MROH6: variants seen among roughly 807,000 people sequenced by gnomAD.
MROH6 encodes maestro heat-like repeat-containing protein family member 6.
A neutral mutation model predicts 67.7 loss-of-function variants in MROH6; 62 were observed. The observed-to-expected ratio is 0.92, with a 90% confidence interval of 0.75 to 1.13. The LOEUF (loss-of-function observed/expected upper bound fraction) is 1.13. MROH6 is among the 50% of genes most tolerant of loss of function. MROH6 has a pLI of 0.00. For synonymous variants in MROH6, 566 were observed against 470.8 expected, an observed-to-expected ratio of 1.20 and a Z score of -2.62; for missense variants, 1,175 against 1,029.1, an observed-to-expected ratio of 1.14 and a Z score of -1.94.
Position 143,567,855 on chromosome 8 carries a change from G to C in MROH6, c.1798C>G (p.Leu600Val), listed in dbSNP as rs1411977695. The change falls in exon 12 of 14, where the codon CTG (leucine) becomes GTG (valine). Residue 600 changes from leucine (L) to valine (V), a missense_variant. Transcript: ENST00000398882. ...CGCAGGTAGCCCTGGGTCTGGCTCA[G>C]GAAGTTGGGCACGTGGCCTGGGTAT... ...QRYPGHVPNFLSQTQGYLRSP... is the reference protein window; with the variant it reads ...QRYPGHVPNFVSQTQGYLRSP... The C allele has an allele frequency of 6.5e-7, 1 of 1,530,212 alleles. No homozygotes were observed. The highest frequency in any genetic ancestry group is 1.4e-5 in the African/African-American group (1 of 72,092). The allele number at this position is 1,530,212 out of a possible 1,614,324, so 94.8% of individuals were successfully genotyped here. A position where few individuals can be genotyped will look rare whatever the true frequency, so the allele number is the denominator to read the frequency against.
Position 143,568,567 on chromosome 8 carries a change from G to A in MROH6, c.1629C>T (p.Ser543=). ...VPLLLRLHDP[S]RDAAESSEWT... ...GGCTGCTGACCTCAGCAGCGTCCCTGCTGGGGTCATGCAGGCGCAGCAGCA... is the reference window on the plus strand; with the variant it reads ...GGCTGCTGACCTCAGCAGCGTCCCTACTGGGGTCATGCAGGCGCAGCAGCA... Residue 543 remains serine (S), a synonymous_variant, in exon 10 of 14, where the codon AGC becomes AGT. Coordinates refer to ENST00000398882, the MANE Select transcript of MROH6 (RefSeq NM_001100878.2). 1.3e-6 allele frequency: 2 copies of A among 1,547,012 alleles called. No homozygotes were observed. Among genetic ancestry groups the A allele is most frequent in the Non-Finnish European group, 1.7e-6 (2 of 1,152,898 alleles).
Position 143,569,965 on chromosome 8 carries a change from C to A in MROH6, c.1144G>T (p.Ala382Ser), listed in dbSNP as rs779467402. The change falls in exon 7 of 14, where the codon GCC becomes TCC. Residue 382 changes from alanine (A) to serine (S), a missense_variant. Coordinates refer to ENST00000398882, the MANE Select transcript of MROH6 (RefSeq NM_001100878.2). ...AGCAGGCTCACCCCTGTGAAGAAGG[C>A]CATAGCCGTGAGACGCTGCGGGTCG... ...ADDPQRLTAM[A>S]FFTGLLQSRP... The A allele has an allele frequency of 1.2e-6, 2 of 1,613,258 alleles. No individual in the cohort carries two copies. The highest frequency in any genetic ancestry group is 1.1e-5 in the South Asian group (1 of 91,084).
At position 143,570,943 on chromosome 8, in the gene MROH6, C is replaced by T; in HGVS notation, c.654G>A (p.Gly218=). 2.6e-6 allele frequency: 4 copies of T among 1,549,206 alleles called. No individual in the cohort carries two copies. The highest frequency in any genetic ancestry group is 4.3e-4 in the Middle Eastern group (2 of 4,618). Residue 218 remains glycine, a synonymous_variant, in exon 4 of 14, where the codon GGG becomes GGA. Transcript: ENST00000398882. The part of the protein sequence containing the change: ...RSLSRNQRVN[G]QVLVQLLWAL... The stretch of plus-strand genomic sequence containing the variant: ...CCCACAGCAGTTGCACCAGCACCTG[C>T]CCATTTACACGCTGGTTACGGCTTA...
rs1201253675 is a variant in MROH6 at position 143,570,229 on chromosome 8, C to T, written c.1043+14G>A. On this transcript the variant is annotated intron_variant, in intron 6 of 13. Transcript: ENST00000398882. ...CTGGTGTGACACCCTGGGGCCCCTC[C>T]TCACCCTCCTCACCTGGCCAGCAGC... 3 of 1,569,282 alleles carry T rather than the reference C, an allele frequency of 1.9e-6. No homozygotes were observed. The highest frequency in any genetic ancestry group is 1.7e-5 in the Admixed American group (1 of 57,646).
intron 8 of MROH6, 23 bp downstream of exon 8, chr8:143,569,674 C>T (rs1196559277): frequency 1.9e-6 from 3 of 1,610,084 alleles, no homozygotes; most frequent in Non-Finnish European, 2.5e-6. Context: ...AAGCCCCTCT[C>T]CACCCCTCCC....
chr8:143,570,425 G>GGCAGTGGAA (rs200070927), intron 5 of MROH6, 45 bp from the exon 6 acceptor site: 3 of 1,605,682 alleles, frequency 1.9e-6, no homozygotes, highest in Non-Finnish European at 2.6e-6. Flanking sequence ...GAGCTGAGAG[G>GGCAGTGGAA]GTGACAGCAT....
At chr8:143,571,557 A>G in intron 3 of MROH6, 110 bp downstream of exon 3, 1 of 1,404,282 alleles carries the variant, frequency 7.1e-7, no homozygotes, top group South Asian at 1.3e-5. Context: ...GGCTGGAATA[A>G]GGAGGCCCTG....
In MROH6 at chr8:143,569,943, A is replaced by G; in HGVS notation, c.1158+8T>C. 6.2e-7 allele frequency: 1 copy of G among 1,612,614 alleles called. No individual in the cohort carries two copies. The highest frequency in any genetic ancestry group is 1.1e-5 in the South Asian group (1 of 91,064). ...ACCCTTCACCACCCATCCGGGAAGCAGGCTCACCCCTGTGAAGAAGGCCAT... is the reference window on the plus strand; with the variant it reads ...ACCCTTCACCACCCATCCGGGAAGCGGGCTCACCCCTGTGAAGAAGGCCAT... On this transcript the variant is annotated splice_region_variant and intron_variant, in intron 7 of 13. Transcript: ENST00000398882.
In MROH6 at chr8:143,570,887, T is replaced by C. The variant is rs546689193; in HGVS notation, c.710A>G (p.Gln237Arg). The C allele has an allele frequency of 6.3e-6, 8 of 1,273,150 alleles. No homozygotes were observed. The highest frequency in any genetic ancestry group is 1.8e-5 in the African/African-American group (1 of 56,790). 78.9% of individuals were successfully genotyped at this position (1,273,150 alleles called of 1,614,324 possible). ...ALKGASGPEPQALAATRALGE... is the reference protein window; with the variant it reads ...ALKGASGPEPRALAATRALGE... ...GCTGGAGCCACCTACCGCCAGTGCCTGGGGCTCCGGCCCCGAAGCACCCTT... is the reference window on the plus strand; with the variant it reads ...GCTGGAGCCACCTACCGCCAGTGCCCGGGGCTCCGGCCCCGAAGCACCCTT... The change falls in exon 4 of 14, where the codon CAG (glutamine) becomes CGG (arginine). Residue 237 changes from glutamine (Q) to arginine (R), a missense_variant. Transcript: ENST00000398882.
chr8:143,568,560 C>T lies in MROH6; in HGVS notation c.1636G>A (p.Ala546Thr), dbSNP rs1487882688. The T allele has an allele frequency of 1.3e-6, 2 of 1,537,718 alleles. No homozygotes were observed. The highest frequency in any genetic ancestry group is 1.4e-5 in the African/African-American group (1 of 73,516). ...LLRLHDPSRD[A>T]AESSEWTLAR... The stretch of plus-strand genomic sequence containing the variant: ...TGTCGGGGGCTGCTGACCTCAGCAG[C>T]GTCCCTGCTGGGGTCATGCAGGCGC... The change falls in exon 10 of 14, where the codon GCT becomes ACT. Residue 546 changes from alanine (A) to threonine (T), a missense_variant. Coordinates refer to ENST00000398882, the MANE Select transcript of MROH6 (RefSeq NM_001100878.2).
At position 143,567,766 on chromosome 8, in the gene MROH6, G is replaced by A. The variant is rs747588324; in HGVS notation, c.1867+20C>T. ...CCAAAGCCCCGGTGCCAGGGGCAGT[G>A]TGACCCCGGGCGGCCTCACCTATAA... On this transcript the variant is annotated intron_variant, in intron 12 of 13. Transcript: ENST00000398882. 3.8e-6 allele frequency: 6 copies of A among 1,567,510 alleles called. No individual in the cohort carries two copies. Among genetic ancestry groups the A allele is most frequent in the Middle Eastern group, 1.7e-4 (1 of 5,782 alleles).
chr8:143,568,771 G>C, intron 9 of MROH6, 52 bp from the exon 10 acceptor site: 1 of 1,315,946 alleles, frequency 7.6e-7, no homozygotes, highest in Non-Finnish European at 1.0e-6. Context: ...GGGCTGCAAG[G>C]GTGGGAGGGG....
At position 143,570,044 on chromosome 8, in the gene MROH6, G is replaced by A; in HGVS notation, c.1065C>T (p.Asp355=). 1 of 1,611,908 alleles carries A rather than the reference G, an allele frequency of 6.2e-7. No homozygotes were observed. The highest frequency in any genetic ancestry group is 1.1e-5 in the South Asian group (1 of 91,086). ...CTGCGAAGAGGCCTCGCAGGTGGTG[G>A]TCGGCATGTGCCACCATAGCACTGG... ...LLASAMVAHA[D]HHLRGLFADL... Residue 355 remains aspartate (D), a synonymous_variant, in exon 7 of 14, where the codon GAC becomes GAT. Transcript: ENST00000398882.
chr8:143,570,593 T>G lies in MROH6; in HGVS notation c.785A>C (p.Tyr262Ser). The change falls in exon 5 of 14, where the codon TAC (tyrosine) becomes TCC (serine). Residue 262 changes from tyrosine (Y) to serine (S), a missense_variant. Tyr to Ser is a moderately radical substitution (Grantham distance 144, BLOSUM62 -2). Coordinates refer to ENST00000398882, the MANE Select transcript of MROH6 (RefSeq NM_001100878.2). Reference protein sequence around the residue: ...SGCVGATRGFYPHLLLALVTQ... With the variant: ...SGCVGATRGFSPHLLLALVTQ... ...GACCAGCGCAAGCAGCAGATGTGGG[T>G]AGAAGCCCCTCGTGGCTCCCACGCA... 6.2e-7 allele frequency: 1 copy of G among 1,604,670 alleles called. No homozygotes were observed. The highest frequency in any genetic ancestry group is 8.5e-7 in the Non-Finnish European group (1 of 1,179,748).
rs1172607060 is a variant in MROH6, at chr8:143,569,423, G to A, written c.1476+18C>T. The stretch of plus-strand genomic sequence containing the variant: ...GACAGCGGCAGGGGCGGGACCCGGA[G>A]GCGGGGCGTTTGCTCACGTCGTCCA... On this transcript the variant is annotated intron_variant, in intron 9 of 13. Coordinates refer to ENST00000398882, the MANE Select transcript of MROH6 (RefSeq NM_001100878.2). 2.8e-6 allele frequency: 4 copies of A among 1,428,382 alleles called. No individual in the cohort carries two copies. The highest frequency in any genetic ancestry group is 3.6e-6 in the Non-Finnish European group (4 of 1,101,234). The allele number at this position is 1,428,382 out of a possible 1,614,324, so 88.5% of individuals were successfully genotyped here.
In MROH6 at chr8:143,572,596, G is replaced by C. The variant is rs1229653068; in HGVS notation, c.119C>G (p.Ser40Cys). Residue 40 changes from serine to cysteine, a missense_variant, in exon 1 of 14, where the codon TCC becomes TGC. Ser to Cys is a moderately radical substitution (Grantham distance 112). Coordinates refer to ENST00000398882, the MANE Select transcript of MROH6 (RefSeq NM_001100878.2). ...CCAGGACTTGGGCTGAGGGCCTGCG[G>C]AAGGGGGTCCCTGGGGCTGCCCCTG... is the stretch of plus-strand genomic sequence containing the variant. Reference protein sequence around the residue: ...ARQGQPQGPPSAGPQPKSWEV... With the variant: ...ARQGQPQGPPCAGPQPKSWEV... 6.2e-7 allele frequency: 1 copy of C among 1,600,572 alleles called. No homozygotes were observed. Among genetic ancestry groups the C allele is most frequent in the African/African-American group, 1.3e-5 (1 of 74,834 alleles).
Position 143,572,414 on chromosome 8 carries a change from C to A in MROH6, c.294+7G>T, listed in dbSNP as rs756198848. 1 of 1,559,226 alleles carries A rather than the reference C, an allele frequency of 6.4e-7. No homozygotes were observed. The highest frequency in any genetic ancestry group is 8.7e-7 in the Non-Finnish European group (1 of 1,155,632). On this transcript the variant is annotated splice_region_variant and intron_variant, in intron 1 of 13. Coordinates refer to ENST00000398882, the MANE Select transcript of MROH6 (RefSeq NM_001100878.2). The stretch of plus-strand genomic sequence containing the variant: ...GTTCGCACAACATCCCTTCCCTCCC[C>A]CGTCACCTGGTGGGGCCCCTCAGGG...
rs1359130686 is a variant in MROH6, at chr8:143,570,895, CG to C, written c.701del (p.Pro234ArgfsTer75). 1.7e-4 allele frequency: 258 copies of C among 1,546,756 alleles called. No individual in the cohort carries two copies. The highest frequency in any genetic ancestry group is 2.1e-4 in the Non-Finnish European group (243 of 1,146,408). On this transcript the variant is annotated frameshift_variant, in exon 4 of 14. Coordinates refer to ENST00000398882, the MANE Select transcript of MROH6 (RefSeq NM_001100878.2). LOFTEE classifies it high-confidence loss of function. ...CACCTACCGCCAGTGCCTGGGGCTC[CG>C]GCCCCGAAGCACCCTTCAGCGCCCA... ...LLWALKGASG[P>X]EPQALAATRA...
intron 7 of MROH6, 32 bp from the exon 8 acceptor site, chr8:143,569,872 C>T: frequency 6.2e-7 from 1 of 1,610,062 alleles, no homozygotes; most frequent in Non-Finnish European, 8.5e-7. Flanking sequence ...AGCACGCCCG[C>T]GGTCCCCGTG....
Sources: allele counts gnomAD v4.1 joint callset, GRCh38; gene constraint gnomAD v4.1.1; transcripts MANE v1.5; gene names NCBI Gene and HGNC (gene_info 2026-07-23, HGNC 2026-07-21).